Variants in DEGS1 observed in about 807,000 individuals in gnomAD.
The protein encoded by DEGS1 is sphingolipid delta(4)-desaturase DES1.
DEGS1 carries 17 observed loss-of-function variants against 24.1 expected under a neutral mutation model. That is an observed-to-expected ratio of 0.70 (90% CI 0.48 to 1.06). The LOEUF is 1.06. Among genes scored for constraint, DEGS1 ranks in the 50% least tolerant of loss-of-function variants. The pLI is 0.00. For missense variants in DEGS1, 366 were observed against 408.9 expected, an observed-to-expected ratio of 0.90 and a Z score of 0.91; for synonymous variants, 134 against 140.0, an observed-to-expected ratio of 0.96 and a Z score of 0.30.
Position 224,189,652 on chromosome 1 carries a change from C to G in DEGS1, c.158C>G (p.Thr53Ser). 2 of 1,613,846 alleles carry G rather than the reference C, an allele frequency of 1.2e-6. No homozygotes were observed. The highest frequency in any genetic ancestry group is 1.7e-6 in the Non-Finnish European group (2 of 1,179,782). ...LIWIIIMMVL[T>S]QLGAFYIVKD... ...TGGATTATAATTATGATGGTTCTCA[C>G]CCAGTTGGGTGCATTTTACATAGTA... Residue 53 changes from threonine (T) to serine (S), a missense_variant, in exon 2 of 3, where the codon ACC becomes AGC. Physicochemically the swap from Thr to Ser is moderately conservative, Grantham distance 58. Transcript: ENST00000323699.
At position 224,193,246 on chromosome 1, in the gene DEGS1, T is replaced by C. The variant is rs916462495; in HGVS notation, c.*768T>C. On this transcript the variant is annotated 3_prime_UTR_variant, in exon 3 of 3. Transcript: ENST00000323699. ...CTTGGGTACCGGGGGAACTTTAAAA[T>C]TTCATCTCAAAAATAATTTTTAAAA... 6.6e-6 allele frequency: 1 copy of C among 152,148 alleles called. No homozygotes were observed. The highest frequency in any genetic ancestry group is 1.5e-5 in the Non-Finnish European group (1 of 68,024). 9.4% of individuals were successfully genotyped at this position (152,148 alleles called of 1,614,324 possible).
At chr1:224,188,286 A>G (rs1231195733) in intron 1 of DEGS1, among the ~76,000 whole-genome samples, 2 of 152,152 alleles carry the variant, frequency 1.3e-5, no homozygotes, top group African/African-American at 4.8e-5. Context: ...TTAAAATAAT[A>G]TATTTTCAAT....
At chr1:224,192,257 C>T (rs756025273) in intron 2 of DEGS1, 75 bp from the exon 3 acceptor site, 23 of 1,309,966 alleles carry the variant, frequency 1.8e-5, no homozygotes, top group Non-Finnish European at 2.3e-5. Flanking sequence ...GTGTTTGTGT[C>T]AACCATTCAT....
intron 2 of DEGS1, among the ~76,000 whole-genome samples, 195 bp downstream of exon 2, chr1:224,190,514 C>T (rs1349579944): frequency 6.6e-6 from 1 of 151,466 alleles, no homozygotes; most frequent in Non-Finnish European, 1.5e-5. Flanking sequence ...CATGCTACCA[C>T]GCCCAGCTAA....
Position 224,192,774 on chromosome 1 carries a change from C to T in DEGS1, c.*296C>T. 3.4e-6 allele frequency: 1 copy of T among 291,456 alleles called. No individual in the cohort carries two copies. Among genetic ancestry groups the T allele is most frequent in the Non-Finnish European group, 6.4e-6 (1 of 156,640 alleles). 18.1% of individuals were successfully genotyped at this position (291,456 alleles called of 1,614,324 possible). A position where few individuals can be genotyped will look rare whatever the true frequency, so the allele number is the denominator to read the frequency against. On this transcript the variant is annotated 3_prime_UTR_variant, in exon 3 of 3. Coordinates refer to ENST00000323699, the MANE Select transcript of DEGS1 (RefSeq NM_003676.4). ...AAAAAGCTTCTAAAAAGCTATTTCG[C>T]CAGGCACGGTGGCTCATGCCTATAA...
chr1:224,186,396 A>G (rs1228139980), intron 1 of DEGS1, among the ~76,000 whole-genome samples: 1 of 151,970 alleles, frequency 6.6e-6, no homozygotes, highest in Non-Finnish European at 1.5e-5. Flanking sequence ...TCACTGAACC[A>G]TTTCACTGGG....
At position 224,190,077 on chromosome 1, in the gene DEGS1, A is replaced by G. The variant is rs759029555; in HGVS notation, c.583A>G (p.Thr195Ala). 1 of 1,613,910 alleles carries G rather than the reference A, an allele frequency of 6.2e-7. No individual in the cohort carries two copies. The highest frequency in any genetic ancestry group is 1.1e-5 in the South Asian group (1 of 90,992). ...LEVINTVAQV[T>A]FDILIYYFLG... ...AGTTATCAATACCGTGGCACAGGTC[A>G]CTTTTGACATTTTAATTTATTACTT... is the stretch of plus-strand genomic sequence containing the variant. Residue 195 changes from threonine to alanine, a missense_variant, in exon 2 of 3, where the codon ACT becomes GCT. By Grantham distance (58) the Thr-to-Ala change is moderately conservative. Transcript: ENST00000323699.
chr1:224,184,806 G>T (rs575602418), intron 1 of DEGS1, among the ~76,000 whole-genome samples: 1 of 152,004 alleles, frequency 6.6e-6, no homozygotes, highest in East Asian at 2.0e-4. Context: ...GTGAACCACC[G>T]TGCCCGGCCA....
At chr1:224,192,247 G>T in intron 2 of DEGS1, 85 bp from the exon 3 acceptor site, 1 of 1,192,154 alleles carries the variant, frequency 8.4e-7, no homozygotes, top group Non-Finnish European at 1.2e-6. Flanking sequence ...TCCCTTCTCA[G>T]TGTTTGTGTC....
At chr1:224,189,328 T>C (rs1205336617) in intron 1 of DEGS1, among the ~76,000 whole-genome samples, 1 of 152,210 alleles carries the variant, frequency 6.6e-6, no homozygotes, top group Non-Finnish European at 1.5e-5. Flanking sequence ...ATATAAAGAA[T>C]GTGGAACTTC....
chr1:224,184,547 T>G (rs1181670640), intron 1 of DEGS1, among the ~76,000 whole-genome samples: 1 of 152,158 alleles, frequency 6.6e-6, no homozygotes, highest in African/African-American at 2.4e-5. Flanking sequence ...AGTCTCACTC[T>G]GTTGCTCATG....
In DEGS1 at chr1:224,192,473, G is replaced by A. The variant is rs1170088595; in HGVS notation, c.967G>A (p.Glu323Lys). 6.2e-7 allele frequency: 1 copy of A among 1,606,042 alleles called. No homozygotes were observed. The highest frequency in any genetic ancestry group is 8.5e-7 in the Non-Finnish European group (1 of 1,177,970). Residue 323 changes from glutamate (E) to lysine (K), a missense_variant, in exon 3 of 3, where the codon GAG (glutamate) becomes AAG (lysine). By Grantham distance (56) the Glu-to-Lys change is moderately conservative. Coordinates refer to ENST00000323699, the MANE Select transcript of DEGS1 (RefSeq NM_003676.4). ...KRHQKGEMVLE is the reference protein window; with the variant it reads ...KRHQKGEMVLK ...GCACCAAAAAGGAGAGATGGTGCTG[G>A]AGTAAATATCATTAGTGCCAAAGGG...
intron 2 of DEGS1, among the ~76,000 whole-genome samples, 184 bp downstream of exon 2, chr1:224,190,503 G>T (rs141770740): frequency 2.1e-3 from 315 of 151,088 alleles, no homozygotes; most frequent in African/African-American, 7.1e-3. Context: ...GATTACAGGC[G>T]CATGCTACCA....
Position 224,190,161 on chromosome 1 carries a change from C to T in DEGS1, c.667C>T (p.His223Tyr). The stretch of plus-strand genomic sequence containing the variant: ...AGCATCTTTACTTGGCCTGGGTTTG[C>T]ACCCAATTTCTGGACATTTTATAGC... ...LAASLLGLGL[H>Y]PISGHFIAEH... Residue 223 changes from histidine (H) to tyrosine (Y), a missense_variant, in exon 2 of 3, where the codon CAC becomes TAC. Transcript: ENST00000323699. 1 of 1,594,108 alleles carries T rather than the reference C, an allele frequency of 6.3e-7. No individual in the cohort carries two copies. The highest frequency in any genetic ancestry group is 8.5e-7 in the Non-Finnish European group (1 of 1,171,288).
intron 2 of DEGS1, among the ~76,000 whole-genome samples, chr1:224,190,922 G>A (rs1040428700): frequency 2.6e-5 from 4 of 151,870 alleles, no homozygotes; most frequent in Admixed American, 6.6e-5. Context: ...GGGTCTTGCT[G>A]TGTTGCTCAG....
intron 1 of DEGS1, among the ~76,000 whole-genome samples, chr1:224,185,647 C>T (rs984686395): frequency 2.6e-5 from 4 of 152,104 alleles, no homozygotes; most frequent in African/African-American, 9.7e-5. Context: ...ATTACAGACG[C>T]CCGCCACCAT....
intron 1 of DEGS1, among the ~76,000 whole-genome samples, chr1:224,184,501 T>G (rs1658325155): frequency 1.2e-5 from 1 of 85,086 alleles, no homozygotes; most frequent in African/African-American, 3.7e-5. Context: ...CACGTGTTTG[T>G]TTTTTGTTTG....
At chr1:224,185,254 G>A (rs532845354) in intron 1 of DEGS1, among the ~76,000 whole-genome samples, 301 of 152,244 alleles carry the variant, frequency 2.0e-3, no homozygotes, top group African/African-American at 7.0e-3. Flanking sequence ...GCCTCCCAAA[G>A]TGCTGGGATT....
intron 1 of DEGS1, among the ~76,000 whole-genome samples, chr1:224,188,219 C>G (rs1417616378): frequency 2.0e-5 from 3 of 152,146 alleles, no homozygotes; most frequent in Non-Finnish European, 2.9e-5. Context: ...GATGGCATCA[C>G]TGTACTTCAG....
Sources: allele counts gnomAD v4.1 joint callset (sites outside exome capture counted in the v4.1 genomes callset), GRCh38; gene constraint gnomAD v4.1.1; transcripts MANE v1.5; gene names NCBI Gene and HGNC (gene_info 2026-07-23, HGNC 2026-07-21).